The following SGSM1 variants were observed in gnomAD, a reference collection of about 807,000 sequenced individuals.
The protein encoded by SGSM1 is small G protein signaling modulator 1, also known as RUN and TBC1 domain containing 2.
SGSM1 carries 73 observed loss-of-function variants against 133.8 expected under a neutral mutation model. That is an observed-to-expected ratio of 0.55 (90% CI 0.45 to 0.66). The LOEUF is 0.66. SGSM1 is among the 30% of genes least tolerant of loss of function. SGSM1 has a pLI of 0.00. For missense variants in SGSM1, 1,213 were observed against 1,448.1 expected, an observed-to-expected ratio of 0.84 and a Z score of 2.64; for synonymous variants, 563 against 573.0, an observed-to-expected ratio of 0.98 and a Z score of 0.25.
intron 5 of SGSM1, among the ~76,000 whole-genome samples, chr22:24,851,449 G>GGA (rs56956761): frequency 0.041 from 4,612 of 112,642 alleles, 110 homozygotes; most frequent in Middle Eastern, 0.069. Flanking sequence ...GGGGGTGGGG[G>GGA]GAGAGAGAGA....
intron 2 of SGSM1, among the ~76,000 whole-genome samples, chr22:24,823,897 C>T (rs1928641002): frequency 6.6e-6 from 1 of 152,212 alleles, no homozygotes; most frequent in Non-Finnish European, 1.5e-5. Context: ...GCAACACACT[C>T]TGTCCCTAAA....
chr22:24,898,600 G>C (rs1478783795), intron 19 of SGSM1, 41 bp downstream of exon 19: 2 of 1,538,512 alleles, frequency 1.3e-6, no homozygotes, highest in Non-Finnish European at 1.8e-6. Context: ...CTTCTTTCCA[G>C]CTGCAGGAGG....
rs149702008 is a variant in SGSM1, at chr22:24,831,867, G to A, written c.64-13030G>A. On this transcript the variant is annotated intron_variant, in intron 2 of 24. Coordinates refer to ENST00000400358, the MANE Select transcript of SGSM1 (RefSeq NM_001098497.3). ...ACTGAAATGAAGAATCAACACATCA[G>A]TGTTGTTACCCTCCAGGTGCAGTGG... 4.5e-3 allele frequency among the ~76,000 whole-genome samples: 683 copies of A among 152,350 alleles called. 6 individuals carry two copies. Among genetic ancestry groups the A allele is most frequent in the African/African-American group, 0.016 (657 of 41,582 alleles).
At chr22:24,810,883 T>A (rs568392531) in intron 2 of SGSM1, among the ~76,000 whole-genome samples, 367 of 152,246 alleles carry the variant, frequency 2.4e-3, no homozygotes, top group Non-Finnish European at 3.8e-3. Context: ...CTAAGAAGGT[T>A]GGAGAAAAAC....
chr22:24,850,422 G>A lies in SGSM1; in HGVS notation c.445G>A (p.Glu149Lys). 1 of 1,613,918 alleles carries A rather than the reference G, an allele frequency of 6.2e-7. No homozygotes were observed. The highest frequency in any genetic ancestry group is 8.5e-7 in the Non-Finnish European group (1 of 1,179,864). ...GGACAAAATTGTGCATTACCTTGTGGAAAACAGCAGGTGAGAGGGAAAGAC... is the reference window on the plus strand; with the variant it reads ...GGACAAAATTGTGCATTACCTTGTGAAAAACAGCAGGTGAGAGGGAAAGAC... Reference protein sequence around the residue: ...VLDKIVHYLVENSSKYYEKEA... With the variant: ...VLDKIVHYLVKNSSKYYEKEA... The change falls in exon 5 of 25, where the codon GAA (glutamate) becomes AAA (lysine). Residue 149 changes from glutamate (E) to lysine (K), a missense_variant. Coordinates refer to ENST00000400358, the MANE Select transcript of SGSM1 (RefSeq NM_001098497.3).
rs1356279899 is a variant in SGSM1, at chr22:24,898,551, A to G, written c.2602A>G (p.Thr868Ala). The G allele has an allele frequency of 6.2e-7, 1 of 1,601,814 alleles. No homozygotes were observed. The highest frequency in any genetic ancestry group is 2.2e-5 in the East Asian group (1 of 44,712). Residue 868 changes from threonine to alanine, a missense_variant, in exon 19 of 25, where the codon ACC (threonine) becomes GCC (alanine). Physicochemically the swap from Thr to Ala is moderately conservative, Grantham distance 58. Coordinates refer to ENST00000400358, the MANE Select transcript of SGSM1 (RefSeq NM_001098497.3). Reference sequence around the variant, plus strand: ...GTCCCCTGTGTCTTCCAGCGGCGTCACCTACTCTGTAAGTCACCAGGACCC... The same window carrying G: ...GTCCCCTGTGTCTTCCAGCGGCGTCGCCTACTCTGTAAGTCACCAGGACCC... ...EVSPVSSSGV[T>A]YSPELLDLYT... is the part of the protein sequence containing the mutation.
At chr22:24,900,671 A>G (rs1045355045) in intron 19 of SGSM1, among the ~76,000 whole-genome samples, 1 of 152,198 alleles carries the variant, frequency 6.6e-6, no homozygotes, top group Non-Finnish European at 1.5e-5. Flanking sequence ...TGCTGGGATT[A>G]CAGGCATGAG....
Position 24,908,970 on chromosome 22 carries a change from C to A in SGSM1, c.2819-3673C>A, listed in dbSNP as rs552832117. Among the ~76,000 whole-genome samples the A allele has an allele frequency of 1.4e-4, 22 of 152,296 alleles. No homozygotes were observed. The South Asian group carries it at 4.4e-3, about 30-fold the overall frequency. On this transcript the variant is annotated intron_variant, in intron 21 of 24. Transcript: ENST00000400358. ...CCAAGCCCTGTGCCACAGACAGGAA[C>A]CTTGCCGCACGGCAGGAGGTGAGCA...
intron 20 of SGSM1, among the ~76,000 whole-genome samples, chr22:24,904,783 T>G (rs1933312240): frequency 6.6e-6 from 1 of 152,108 alleles, no homozygotes; most frequent in South Asian, 2.1e-4. Context: ...AAGCGATGTT[T>G]GAGGCTGTGA....
At chr22:24,899,185 T>C (rs535401050) in intron 19 of SGSM1, among the ~76,000 whole-genome samples, 1 of 152,316 alleles carries the variant, frequency 6.6e-6, no homozygotes, top group African/African-American at 2.4e-5. Flanking sequence ...TTTTCCTAGA[T>C]GTGTTTTCCT....
intron 22 of SGSM1, among the ~76,000 whole-genome samples, chr22:24,916,405 G>T (rs1375057854): frequency 2.0e-5 from 3 of 152,096 alleles, no homozygotes; most frequent in Admixed American, 6.6e-5. Flanking sequence ...TCAAAACTTA[G>T]TTCGAGGCCA....
intron 2 of SGSM1, among the ~76,000 whole-genome samples, chr22:24,825,743 T>C (rs955929960): frequency 6.6e-6 from 1 of 152,200 alleles, no homozygotes; most frequent in Non-Finnish European, 1.5e-5. Flanking sequence ...GAGTTATTTT[T>C]AAAGCCACCC....
chr22:24,922,179 C>CTTTTTT (rs140795501), intron 24 of SGSM1, among the ~76,000 whole-genome samples: 285 of 106,784 alleles, frequency 2.7e-3, no homozygotes, highest in Non-Finnish European at 3.3e-3. Context: ...CACTTACTTT[C>CTTTTTT]TTTTTTTTTT....
At chr22:24,888,938 CTTTTT>C (rs1234715475) in intron 16 of SGSM1, among the ~76,000 whole-genome samples, 9,738 of 79,528 alleles carry the variant, frequency 0.12, 272 homozygotes, top group South Asian at 0.25. Flanking sequence ...TCATAGTCAC[CTTTTT>C]TTTTTTTTTT....
rs1273838214 is a variant in SGSM1, at chr22:24,912,930, A to C, written c.2928+178A>C. 1.3e-5 allele frequency among the ~76,000 whole-genome samples: 2 copies of C among 152,130 alleles called. 1 individual carries two copies. The highest frequency in any genetic ancestry group is 4.8e-5 in the African/African-American group (2 of 41,446). On this transcript the variant is annotated intron_variant, in intron 22 of 24. Transcript: ENST00000400358. The stretch of plus-strand genomic sequence containing the variant: ...GGGCCTCAGTTTTCTTATCTGGGAA[A>C]TAGGTTTTCTCACTTATATGAGTCC...
At chr22:24,834,684 C>T (rs1472315425) in intron 2 of SGSM1, among the ~76,000 whole-genome samples, 3 of 152,176 alleles carry the variant, frequency 2.0e-5, no homozygotes, top group Non-Finnish European at 4.4e-5. Context: ...CCAAGTCTCC[C>T]TCCTTGGCTT....
chr22:24,907,367 C>T (rs1933427851), intron 21 of SGSM1, among the ~76,000 whole-genome samples: 1 of 151,998 alleles, frequency 6.6e-6, no homozygotes, highest in African/African-American at 2.4e-5. Context: ...TTGAAAACTA[C>T]AAGGCATTGT....
intron 2 of SGSM1, among the ~76,000 whole-genome samples, chr22:24,811,004 A>T (rs1157775318): frequency 1.3e-5 from 2 of 152,236 alleles, no homozygotes; most frequent in African/African-American, 4.8e-5. Context: ...GTTGCCAGAT[A>T]ACATCCAGGT....
chr22:24,829,168 C>T (rs1928967441), intron 2 of SGSM1, among the ~76,000 whole-genome samples: 2 of 151,630 alleles, frequency 1.3e-5, no homozygotes, highest in South Asian at 4.2e-4. Context: ...TGCACTCCAG[C>T]CTGGGCGAGA....
Sources: gnomAD v4.1 joint callset for allele counts (sites outside exome capture counted in the v4.1 genomes callset) on GRCh38, gnomAD v4.1.1 for gene constraint, MANE v1.5 for transcripts, NCBI Gene and HGNC (gene_info 2026-07-23, HGNC 2026-07-21) for gene names.